KIF17: variants seen among roughly 807,000 people sequenced by gnomAD.
The protein encoded by KIF17 is kinesin-like protein KIF17.
Under a neutral mutation model 96.8 loss-of-function variants are expected in KIF17, and 80 were observed. The observed-to-expected ratio is 0.83, with a 90% CI of 0.69 to 1.00. The LOEUF (loss-of-function observed/expected upper bound fraction) is 1.00. KIF17 is among the 50% of genes least tolerant of loss of function. The pLI, the probability that KIF17 is intolerant of heterozygous loss-of-function variation, is 0.00. For missense variants in KIF17, 1,280 were observed against 1,372.9 expected (o/e 0.93, Z 1.07); for synonymous variants, 567 against 587.5 (o/e 0.97, Z 0.51).
chr1:20,681,181 G>GTTTT (rs2053824527), intron 11 of KIF17, among the ~76,000 whole-genome samples: 2 of 140,876 alleles, frequency 1.4e-5, no homozygotes, highest in Non-Finnish European at 3.0e-5. Context: ...GAGGCAAAAA[G>GTTTT]GTTTTGTTTT....
chr1:20,716,756 A>G (rs536379080), intron 1 of KIF17, among the ~76,000 whole-genome samples: 27 of 152,334 alleles, frequency 1.8e-4, no homozygotes, highest in African/African-American at 6.3e-4. Flanking sequence ...TCCCAAAGTC[A>G]TTCTTCATTC....
At position 20,704,316 on chromosome 1, in the gene KIF17, A is replaced by G. The variant is rs2054300378; in HGVS notation, c.1123+131T>C. On this transcript the variant is annotated intron_variant, in intron 5 of 14. Coordinates refer to ENST00000400463, the MANE Select transcript of KIF17 (RefSeq NM_001122819.3). This position sits in a 1 kb window ranked among gnomAD's most constrained non-coding sequence, Gnocchi z 6.8. ...TCTCCAACCAGGGCCCTGCGCTCAC[A>G]TGGGGCTGAGGGGTGGGAGGATGCT... 3.8e-6 allele frequency: 3 copies of G among 783,294 alleles called. No homozygotes were observed. Among genetic ancestry groups the G allele is most frequent in the East Asian group, 2.7e-5 (1 of 37,510 alleles). 48.5% of individuals were successfully genotyped at this position (783,294 alleles called of 1,614,324 possible). A position where few individuals can be genotyped will look rare whatever the true frequency, so the allele number is the denominator to read the frequency against.
At chr1:20,706,422 A>G (rs2054341492) in intron 4 of KIF17, among the ~76,000 whole-genome samples, 1 of 151,208 alleles carries the variant, frequency 6.6e-6, no homozygotes. Flanking sequence ...GAAACCTTGT[A>G]TCTACTAAAA....
intron 4 of KIF17, among the ~76,000 whole-genome samples, chr1:20,708,104 GCTCCCTCCTC>G (rs2054375242): frequency 6.6e-6 from 1 of 151,778 alleles, no homozygotes; most frequent in African/African-American, 2.4e-5. Context: ...CCCTAAACCC[GCTCCCTCCTC>G]CTCCCTCCTG....
chr1:20,712,541 A>G (rs910800237), intron 3 of KIF17, among the ~76,000 whole-genome samples: 7 of 124,168 alleles, frequency 5.6e-5, no homozygotes, highest in African/African-American at 2.1e-4. Flanking sequence ...ATATATCTAT[A>G]TTATAGATAT....
Position 20,704,388 on chromosome 1 carries a change from G to A in KIF17, c.1123+59C>T. 7.2e-7 allele frequency: 1 copy of A among 1,396,892 alleles called. No individual in the cohort carries two copies. Among genetic ancestry groups the A allele is most frequent in the Admixed American group, 1.9e-5 (1 of 53,314 alleles). 86.5% of individuals were successfully genotyped at this position (1,396,892 alleles called of 1,614,324 possible). The stretch of plus-strand genomic sequence containing the variant: ...GGAAGTTGGAGGCGAGAAGACAGAG[G>A]GAAGGAAGCTTTCTCCTGGGGACCT... On this transcript the variant is annotated intron_variant, in intron 5 of 14. Coordinates refer to ENST00000400463, the MANE Select transcript of KIF17 (RefSeq NM_001122819.3). This position sits in a 1 kb window ranked among gnomAD's most constrained non-coding sequence, Gnocchi z 6.8.
At chr1:20,667,861 T>A (rs1389768794) in intron 13 of KIF17, among the ~76,000 whole-genome samples, 1 of 151,780 alleles carries the variant, frequency 6.6e-6, no homozygotes, top group Non-Finnish European at 1.5e-5. Flanking sequence ...TGCAAAAAAA[T>A]TAGCTGGACG....
At chr1:20,674,820 C>G (rs533715148) in intron 11 of KIF17, among the ~76,000 whole-genome samples, 2 of 152,036 alleles carry the variant, frequency 1.3e-5, no homozygotes, top group African/African-American at 4.8e-5. Flanking sequence ...CAAGACTGTC[C>G]TTTCACCACT....
chr1:20,688,591 T>A (rs749997979), intron 7 of KIF17, among the ~76,000 whole-genome samples: 2 of 152,220 alleles, frequency 1.3e-5, no homozygotes, highest in Admixed American at 6.5e-5. Flanking sequence ...CTTCGCACAC[T>A]GGCAGGCTTC....
Position 20,666,196 on chromosome 1 carries a change from CA to C in KIF17, c.2908+17del. The C allele has an allele frequency of 6.4e-7, 1 of 1,565,664 alleles. No individual in the cohort carries two copies. On this transcript the variant is annotated intron_variant, in intron 14 of 14. Coordinates refer to ENST00000400463, the MANE Select transcript of KIF17 (RefSeq NM_001122819.3). ...CCCAGTTGTGTGGAGAGGGTGGGGA[CA>C]GGGGAGGGACACTCACTGAGGCTCT...
At chr1:20,696,957 G>A (rs938841301) in intron 6 of KIF17, among the ~76,000 whole-genome samples, 2 of 152,202 alleles carry the variant, frequency 1.3e-5, no homozygotes, top group Non-Finnish European at 2.9e-5. Flanking sequence ...GGCAGTGCCC[G>A]CTGCCGAGCT....
intron 13 of KIF17, among the ~76,000 whole-genome samples, chr1:20,666,920 T>A (rs1291659344): frequency 1.3e-5 from 2 of 152,180 alleles, no homozygotes; most frequent in African/African-American, 4.8e-5. Flanking sequence ...TCCCATCCTG[T>A]TGTTACACAG....
chr1:20,670,430 C>T lies in KIF17; in HGVS notation c.2781G>A (p.Glu927=), dbSNP rs1386557199. The change falls in exon 13 of 15, where the codon GAG becomes GAA. Residue 927 remains glutamate, a synonymous_variant. Coordinates refer to ENST00000400463, the MANE Select transcript of KIF17 (RefSeq NM_001122819.3). ...ARKTSAADNG[E]PNMEDDRYRL... ...CTCCCGCGGTCCTCACCATGTTCGG[C>T]TCGCCATTGTCTGCTGCAGAGGTTT... 9.3e-6 allele frequency: 15 copies of T among 1,613,872 alleles called. No homozygotes were observed. Among genetic ancestry groups the T allele is most frequent in the Non-Finnish European group, 1.3e-5 (15 of 1,180,052 alleles).
Position 20,671,943 on chromosome 1 carries a change from G to C in KIF17, c.2717C>G (p.Pro906Arg). Reference protein sequence around the residue: ...PHPVITKTSLPVVSTGPQNKP... With the variant: ...PHPVITKTSLRVVSTGPQNKP... Reference sequence around the variant, plus strand: ...GGGCCAGCCAAGCTCCTGACCTACTGGGAGGCTGGTTTTTGTGATGACGGG... The same window carrying C: ...GGGCCAGCCAAGCTCCTGACCTACTCGGAGGCTGGTTTTTGTGATGACGGG... Residue 906 changes from proline to arginine, a missense_variant, in exon 12 of 15, where the codon CCA (proline) becomes CGA (arginine). Coordinates refer to ENST00000400463, the MANE Select transcript of KIF17 (RefSeq NM_001122819.3). The C allele has an allele frequency of 1.9e-6, 3 of 1,613,462 alleles. No homozygotes were observed. The highest frequency in any genetic ancestry group is 2.5e-6 in the Non-Finnish European group (3 of 1,179,998).
chr1:20,671,968 G>C lies in KIF17; in HGVS notation c.2692C>G (p.Pro898Ala). The C allele has an allele frequency of 6.2e-7, 1 of 1,613,972 alleles. No individual in the cohort carries two copies. The highest frequency in any genetic ancestry group is 8.5e-7 in the Non-Finnish European group (1 of 1,180,046). ...GGGAGGCTGGTTTTTGTGATGACGGGATGTGGGATCTTCCAGAAGCCGTTA... is the reference window on the plus strand; with the variant it reads ...GGGAGGCTGGTTTTTGTGATGACGGCATGTGGGATCTTCCAGAAGCCGTTA... ...EDNGFWKIPHPVITKTSLPVV... is the reference protein window; with the variant it reads ...EDNGFWKIPHAVITKTSLPVV... Residue 898 changes from proline to alanine, a missense_variant, in exon 12 of 15, where the codon CCC becomes GCC. Physicochemically the swap from Pro to Ala is conservative, Grantham distance 27. Coordinates refer to ENST00000400463, the MANE Select transcript of KIF17 (RefSeq NM_001122819.3).
chr1:20,690,366 C>T (rs1421534350), intron 6 of KIF17, 31 bp from the exon 7 acceptor site: 1 of 1,584,630 alleles, frequency 6.3e-7, no homozygotes, highest in African/African-American at 1.3e-5. Flanking sequence ...AGAGGGCAGG[C>T]AGCATTTTAT....
chr1:20,678,413 A>C (rs2053774238), intron 11 of KIF17, among the ~76,000 whole-genome samples: 1 of 152,182 alleles, frequency 6.6e-6, no homozygotes, highest in African/African-American at 2.4e-5. Context: ...ATACAAAAAA[A>C]ATTTAAAAAT....
chr1:20,683,731 T>C (rs769492908), intron 10 of KIF17, among the ~76,000 whole-genome samples: 3 of 152,062 alleles, frequency 2.0e-5, no homozygotes, highest in Admixed American at 6.5e-5. Context: ...GGAGGGCACA[T>C]AGGGTCTTCC....
rs138626725 is a variant in KIF17 at position 20,687,540 on chromosome 1, G to A, written c.1786C>T (p.Leu596Phe). The stretch of plus-strand genomic sequence containing the variant: ...ACCTCCTGCGGCTCCTCTTGCGGGA[G>A]GTAGTTCTGTTCCCCCAGCAGGTGC... ...AGHLLGEQNY[L>F]PQEEPQEVPL... is the part of the protein sequence containing the mutation. Residue 596 changes from leucine (L) to phenylalanine (F), a missense_variant, in exon 8 of 15, where the codon CTC (leucine) becomes TTC (phenylalanine). By Grantham distance (22) the Leu-to-Phe change is conservative. Coordinates refer to ENST00000400463, the MANE Select transcript of KIF17 (RefSeq NM_001122819.3). This position sits in a 1 kb window ranked among gnomAD's most constrained non-coding sequence, Gnocchi z 4.4. 1 of 1,613,668 alleles carries A rather than the reference G, an allele frequency of 6.2e-7. No homozygotes were observed. Among genetic ancestry groups the A allele is most frequent in the South Asian group, 1.1e-5 (1 of 91,078 alleles).
Sources: gnomAD v4.1 joint callset for allele counts (sites outside exome capture counted in the v4.1 genomes callset) on GRCh38, gnomAD v4.1.1 for gene constraint, Gnocchi (gnomAD v3.1) non-coding constraint, MANE v1.5 for transcripts, NCBI Gene and HGNC (gene_info 2026-07-23, HGNC 2026-07-21) for gene names.